Variants in SCUBE3 observed in about 807,000 individuals in gnomAD.
SCUBE3 encodes signal peptide, CUB domain and EGF like domain containing 3.
A neutral mutation model predicts 116.8 loss-of-function variants in SCUBE3; 33 were observed. That is an observed-to-expected ratio of 0.28 (90% CI 0.21 to 0.38). The LOEUF (loss-of-function observed/expected upper bound fraction) is 0.38. Ranked by LOEUF, SCUBE3 falls within the 10% of genes least tolerant of loss-of-function variation. SCUBE3 has a pLI of 1.00. For missense variants in SCUBE3, 1,007 were observed against 1,324.8 expected, an observed-to-expected ratio of 0.76 and a Z score of 3.72; for synonymous variants, 418 against 496.9, an observed-to-expected ratio of 0.84 and a Z score of 2.11.
Position 35,245,132 on chromosome 6 carries a change from T to TCTGAC in SCUBE3, c.2402-93_2402-89dup. ...CTAGAACGCAGACTTCCCATAAATG[T>TCTGAC]CTGACCTCTACTTCAGAACTCTTCA... On this transcript the variant is annotated intron_variant, in intron 18 of 21. Coordinates refer to ENST00000274938, the MANE Select transcript of SCUBE3 (RefSeq NM_152753.4). The surrounding 1 kb of genome is among the most constrained non-coding windows in gnomAD (Gnocchi z 4.2). 1 of 1,112,620 alleles carries TCTGAC rather than the reference T, an allele frequency of 9.0e-7. No individual in the cohort carries two copies. Among genetic ancestry groups the TCTGAC allele is most frequent in the Non-Finnish European group, 1.4e-6 (1 of 740,468 alleles). 68.9% of individuals were successfully genotyped at this position (1,112,620 alleles called of 1,614,324 possible).
intron 1 of SCUBE3, among the ~76,000 whole-genome samples, chr6:35,217,341 C>T (rs1782962192): frequency 1.3e-5 from 2 of 149,772 alleles, no homozygotes; most frequent in Admixed American, 1.3e-4. Flanking sequence ...GTCTCTCGGC[C>T]TCCAGGGAAA....
chr6:35,247,467 C>T (rs989315809), intron 21 of SCUBE3, among the ~76,000 whole-genome samples: 8 of 148,146 alleles, frequency 5.4e-5, no homozygotes, highest in Admixed American at 6.7e-5. Context: ...AAACTATAGT[C>T]GTAGTCATAG....
intron 1 of SCUBE3, among the ~76,000 whole-genome samples, chr6:35,217,918 C>T (rs1294763827): frequency 6.6e-6 from 1 of 152,172 alleles, no homozygotes; most frequent in Non-Finnish European, 1.5e-5. Flanking sequence ...TCTCTCATGA[C>T]ATGTCTCAGA....
chr6:35,226,815 A>G (rs1469743995), intron 1 of SCUBE3, among the ~76,000 whole-genome samples: 1 of 151,978 alleles, frequency 6.6e-6, no homozygotes, highest in Admixed American at 6.6e-5. Flanking sequence ...CTTTTTTGCT[A>G]GATGGTGAGT....
intron 21 of SCUBE3, 112 bp downstream of exon 21, chr6:35,246,397 C>T: frequency 1.3e-6 from 1 of 787,820 alleles, no homozygotes; most frequent in Non-Finnish European, 2.1e-6. Flanking sequence ...CACAATAGCT[C>T]TATGAGGTAG....
In SCUBE3 at chr6:35,244,199, C is replaced by T. The variant is rs1362187252; in HGVS notation, c.2239+69C>T. ...CTACTCCCAAAAAACTCTCCAATTT[C>T]CCAGAGGGGACACTGACCCACCATT... On this transcript the variant is annotated intron_variant, in intron 17 of 21. Coordinates refer to ENST00000274938, the MANE Select transcript of SCUBE3 (RefSeq NM_152753.4). This position sits in a 1 kb window ranked among gnomAD's most constrained non-coding sequence, Gnocchi z 4.3. 2 of 1,385,092 alleles carry T rather than the reference C, an allele frequency of 1.4e-6. No homozygotes were observed. Among genetic ancestry groups the T allele is most frequent in the East Asian group, 2.4e-5 (1 of 41,230 alleles). The allele number at this position is 1,385,092 out of a possible 1,614,324, so 85.8% of individuals were successfully genotyped here. A position where few individuals can be genotyped will look rare whatever the true frequency, so the allele number is the denominator to read the frequency against.
intron 2 of SCUBE3, 126 bp downstream of exon 2, chr6:35,227,828 G>A (rs934420792): frequency 2.0e-6 from 2 of 1,001,016 alleles, no homozygotes; most frequent in African/African-American, 1.6e-5. Flanking sequence ...TGGTGGGGGG[G>A]TGGTGAGGGG....
At position 35,244,573 on chromosome 6, in the gene SCUBE3, T is replaced by C; in HGVS notation, c.2240-77T>C. 4 of 1,141,244 alleles carry C rather than the reference T, an allele frequency of 3.5e-6. No homozygotes were observed. The highest frequency in any genetic ancestry group is 4.7e-5 in the East Asian group (2 of 42,438). 70.7% of individuals were successfully genotyped at this position (1,141,244 alleles called of 1,614,324 possible). ...TGATCTCCTGATTCTCCAGGATGAA[T>C]GTATCCTGTCCATCCCATGCCCCGT... On this transcript the variant is annotated intron_variant, in intron 17 of 21. Transcript: ENST00000274938. This position sits in a 1 kb window ranked among gnomAD's most constrained non-coding sequence, Gnocchi z 4.3.
Position 35,243,889 on chromosome 6 carries a change from C to A in SCUBE3, c.2072-74C>A. ...AACATCCTGTTTGTATACCTTTGTC[C>A]CCTGAGATCGGGTGACCCCATGGGG... On this transcript the variant is annotated intron_variant, in intron 16 of 21. Coordinates refer to ENST00000274938, the MANE Select transcript of SCUBE3 (RefSeq NM_152753.4). The surrounding 1 kb of genome is among the most constrained non-coding windows in gnomAD (Gnocchi z 6.6). The A allele has an allele frequency of 6.5e-7, 1 of 1,541,776 alleles. No homozygotes were observed. Among genetic ancestry groups the A allele is most frequent in the Non-Finnish European group, 8.9e-7 (1 of 1,127,732 alleles).
At chr6:35,223,759 C>G (rs1477747521) in intron 1 of SCUBE3, 1 of 152,124 alleles carries the variant, frequency 6.6e-6, no homozygotes, top group East Asian at 1.9e-4. Flanking sequence ...AGGGTCCTTG[C>G]AAGGACAAAT....
Position 35,244,542 on chromosome 6 carries a change from T to G in SCUBE3, c.2240-108T>G, listed in dbSNP as rs910863766. ...TTGAGACCCTAGAAAAGAACTTTGA[T>G]GTATCTGATCTCCTGATTCTCCAGG... On this transcript the variant is annotated intron_variant, in intron 17 of 21. Transcript: ENST00000274938. The surrounding 1 kb of genome is among the most constrained non-coding windows in gnomAD (Gnocchi z 4.3). 2.3e-6 allele frequency: 2 copies of G among 873,206 alleles called. No homozygotes were observed. Among genetic ancestry groups the G allele is most frequent in the Non-Finnish European group, 3.7e-6 (2 of 545,666 alleles). 54.1% of individuals were successfully genotyped at this position (873,206 alleles called of 1,614,324 possible).
At chr6:35,226,029 A>G (rs568516518) in intron 1 of SCUBE3, among the ~76,000 whole-genome samples, 24 of 152,272 alleles carry the variant, frequency 1.6e-4, no homozygotes, top group Non-Finnish European at 2.9e-4. Context: ...TTAAGACACT[A>G]TTTTGGGTTT....
Position 35,231,691 on chromosome 6 carries a change from C to A in SCUBE3, c.335-34C>A, listed in dbSNP as rs558637422. The A allele has an allele frequency of 6.3e-6, 10 of 1,579,668 alleles. No individual in the cohort carries two copies. The South Asian group carries it at 1.1e-4, about 18-fold the overall frequency. On this transcript the variant is annotated intron_variant, in intron 3 of 21. Transcript: ENST00000274938. The surrounding 1 kb of genome is among the most constrained non-coding windows in gnomAD (Gnocchi z 4.2). ...GGATATACCCTGGACCCTGCCTGTA[C>A]CCCATGACCCCACTGACTACCTATC...
intron 21 of SCUBE3, among the ~76,000 whole-genome samples, chr6:35,247,534 A>G (rs1015220350): frequency 6.6e-6 from 1 of 152,038 alleles, no homozygotes. Context: ...AAATATTTTT[A>G]TATTATCATC....
rs1362212318 is a variant in SCUBE3, at chr6:35,233,787, C to G, written c.712+486C>G. Among the ~76,000 whole-genome samples, 1 of 152,176 alleles carries G rather than the reference C, an allele frequency of 6.6e-6. No individual in the cohort carries two copies. Among genetic ancestry groups the G allele is most frequent in the African/African-American group, 2.4e-5 (1 of 41,442 alleles). Reference sequence around the variant, plus strand: ...CCTGGAACAACCATCCCTGAACTGACTGACAGATGGGGTTTCCTGGCTCCA... The same window carrying G: ...CCTGGAACAACCATCCCTGAACTGAGTGACAGATGGGGTTTCCTGGCTCCA... On this transcript the variant is annotated intron_variant, in intron 6 of 21. Transcript: ENST00000274938. This position sits in a 1 kb window ranked among gnomAD's most constrained non-coding sequence, Gnocchi z 5.7.
Position 35,243,856 on chromosome 6 carries a change from T to C in SCUBE3, c.2071+101T>C. On this transcript the variant is annotated intron_variant, in intron 16 of 21. Transcript: ENST00000274938. This position sits in a 1 kb window ranked among gnomAD's most constrained non-coding sequence, Gnocchi z 6.6. ...GGCAGGCCCAGGCTCCAGGCCACTC[T>C]CTTAGTCAACATCCTGTTTGTATAC... 2.0e-6 allele frequency: 3 copies of C among 1,536,404 alleles called. No individual in the cohort carries two copies. Among genetic ancestry groups the C allele is most frequent in the African/African-American group, 2.7e-5 (2 of 73,554 alleles).
rs963630256 is a variant in SCUBE3 at position 35,233,070 on chromosome 6, G to A, written c.595+95G>A. 8.5e-6 allele frequency: 13 copies of A among 1,532,594 alleles called. No homozygotes were observed. Among genetic ancestry groups the A allele is most frequent in the African/African-American group, 2.7e-5 (2 of 73,408 alleles). 94.9% of individuals were successfully genotyped at this position (1,532,594 alleles called of 1,614,324 possible). ...TTCAGGAGCAAGAGGACAGGGCTGG[G>A]AGGAAAAGGGAGTATGGGGGAGGCA... On this transcript the variant is annotated intron_variant, in intron 5 of 21. Coordinates refer to ENST00000274938, the MANE Select transcript of SCUBE3 (RefSeq NM_152753.4). This position sits in a 1 kb window ranked among gnomAD's most constrained non-coding sequence, Gnocchi z 5.7.
chr6:35,222,115 CCCCT>C (rs1392590320), intron 1 of SCUBE3: 1 of 152,220 alleles, frequency 6.6e-6, no homozygotes, highest in Non-Finnish European at 1.5e-5. Flanking sequence ...ATTACCCCCT[CCCCT>C]ATGGGTGGTA....
rs746326505 is a variant in SCUBE3 at position 35,227,641 on chromosome 6, C to A, written c.147C>A (p.Thr49=). 6 of 1,613,940 alleles carry A rather than the reference C, an allele frequency of 3.7e-6. No individual in the cohort carries two copies. Among genetic ancestry groups the A allele is most frequent in the Non-Finnish European group, 5.1e-6 (6 of 1,179,960 alleles). Residue 49 remains threonine, a synonymous_variant, in exon 2 of 22, where the codon ACC becomes ACA. Coordinates refer to ENST00000274938, the MANE Select transcript of SCUBE3 (RefSeq NM_152753.4). ...ACATCGATGCTATCTGCCAGAACAC[C>A]CCGAGGTCATACAAGTGCATCTGCA... ...NCHIDAICQN[T]PRSYKCICKS... is the part of the protein sequence containing the mutation.
Sources: gnomAD v4.1 joint callset for allele counts (sites outside exome capture counted in the v4.1 genomes callset) on GRCh38, gnomAD v4.1.1 for gene constraint, Gnocchi (gnomAD v3.1) non-coding constraint, MANE v1.5 for transcripts, NCBI Gene and HGNC (gene_info 2026-07-23, HGNC 2026-07-21) for gene names.